AGAP3: variants seen among roughly 807,000 people sequenced by gnomAD.
The protein encoded by AGAP3 is arf-GAP with GTPase, ANK repeat and PH domain-containing protein 3.
AGAP3 carries 24 observed loss-of-function variants against 96.9 expected under a neutral mutation model. That is an observed-to-expected ratio of 0.25 (90% CI 0.18 to 0.35). AGAP3 has a LOEUF of 0.35. AGAP3 is among the 10% of genes least tolerant of loss of function. The probability of loss-of-function intolerance (pLI) is 1.00; values close to 1 mark genes in which losing one functional copy is unlikely to be tolerated. For missense variants in AGAP3, 876 were observed against 1,254.2 expected (o/e 0.70, Z 4.55); for synonymous variants, 563 against 536.1 (o/e 1.05, Z -0.69).
chr7:151,123,462 G>A (rs1294839471), intron 8 of AGAP3: 6 of 1,160,806 alleles, frequency 5.2e-6, no homozygotes, highest in Middle Eastern at 3.7e-4. Context: ...CTGTGCTCCC[G>A]ACCAGCAGCC....
chr7:151,137,467 G>A (rs1226937660), intron 11 of AGAP3, among the ~76,000 whole-genome samples: 1 of 152,198 alleles, frequency 6.6e-6, no homozygotes, highest in Non-Finnish European at 1.5e-5. Context: ...GGCCTCTGAG[G>A]CCCCACGGCT....
At chr7:151,117,600 C>G (rs749511695) in intron 4 of AGAP3, 36 bp from the exon 5 acceptor site, 4 of 1,612,504 alleles carry the variant, frequency 2.5e-6, no homozygotes, top group Non-Finnish European at 3.4e-6. Context: ...TTGCCAGGTC[C>G]AGTTGCGGGT....
chr7:151,102,615 A>T (rs937283210), intron 1 of AGAP3, among the ~76,000 whole-genome samples: 12 of 148,198 alleles, frequency 8.1e-5, no homozygotes, highest in African/African-American at 2.8e-4. Context: ...AAAAAAAAAA[A>T]TTTCTTTTTT....
chr7:151,142,748 G>T lies in AGAP3; in HGVS notation c.2273+114G>T, dbSNP rs1188693699. 8.5e-7 allele frequency: 1 copy of T among 1,175,752 alleles called. No individual in the cohort carries two copies. Among genetic ancestry groups the T allele is most frequent in the Non-Finnish European group, 1.2e-6 (1 of 844,126 alleles). The allele number at this position is 1,175,752 out of a possible 1,614,324, so 72.8% of individuals were successfully genotyped here. A position where few individuals can be genotyped will look rare whatever the true frequency, so the allele number is the denominator to read the frequency against. The stretch of plus-strand genomic sequence containing the variant: ...ATTAGAAGGGTTAAAACTGTCTGTT[G>T]CTCTGCTTGGCAGTTGGCCCCTTGG... On this transcript the variant is annotated intron_variant, in intron 16 of 17. Coordinates refer to ENST00000397238, the MANE Select transcript of AGAP3 (RefSeq NM_031946.7). This position sits in a 1 kb window ranked among gnomAD's most constrained non-coding sequence, Gnocchi z 7.5.
intron 1 of AGAP3, among the ~76,000 whole-genome samples, chr7:151,090,722 T>A (rs1300826586): frequency 6.6e-6 from 1 of 152,124 alleles, no homozygotes; most frequent in Non-Finnish European, 1.5e-5. Context: ...GGCGGGCGGA[T>A]CACGAGGTCA....
chr7:151,120,616 C>T (rs574692077), intron 8 of AGAP3: 27 of 1,294,190 alleles, frequency 2.1e-5, no homozygotes, highest in Admixed American at 1.4e-4. Flanking sequence ...CGTCGCCTTC[C>T]GGCTCTTTTT....
chr7:151,112,838 G>A lies in AGAP3; in HGVS notation c.332-3955G>A, dbSNP rs1005244202. Among the ~76,000 whole-genome samples the A allele has an allele frequency of 3.9e-5, 6 of 152,154 alleles. No homozygotes were observed. The East Asian group carries it at 9.6e-4, about 24-fold the overall frequency. The stretch of plus-strand genomic sequence containing the variant: ...GCTGGTCTCCAACTCCTGGACTCAA[G>A]TGATCTGCCTGCCTCGGCCTCCCAA... On this transcript the variant is annotated intron_variant, in intron 1 of 17. Coordinates refer to ENST00000397238, the MANE Select transcript of AGAP3 (RefSeq NM_031946.7).
chr7:151,132,506 C>T (rs1800439898), intron 10 of AGAP3, among the ~76,000 whole-genome samples: 1 of 152,234 alleles, frequency 6.6e-6, no homozygotes, highest in Non-Finnish European at 1.5e-5. Context: ...TGTGGCTCCT[C>T]TGCTCTGGTT....
intron 1 of AGAP3, among the ~76,000 whole-genome samples, chr7:151,097,608 G>C (rs1798660518): frequency 6.6e-6 from 1 of 152,022 alleles, no homozygotes; most frequent in Non-Finnish European, 1.5e-5. Flanking sequence ...CATCTGCTGT[G>C]CTTCCGGGGA....
rs930891234 is a variant in AGAP3 at position 151,116,838 on chromosome 7, C to T, written c.377C>T (p.Pro126Leu). Residue 126 changes from proline to leucine, a missense_variant, in exon 2 of 18, where the codon CCG (proline) becomes CTG (leucine). Coordinates refer to ENST00000397238, the MANE Select transcript of AGAP3 (RefSeq NM_031946.7). Reference sequence around the variant, plus strand: ...GAGTGGACGCTGAGCCGCTCCGTACCGGAGCTTAAAGTGGTGAGTGTGGCC... The same window carrying T: ...GAGTGGACGCTGAGCCGCTCCGTACTGGAGCTTAAAGTGGTGAGTGTGGCC... ...SQEWTLSRSV[P>L]ELKVGIVGNL... is the part of the protein sequence containing the mutation. 1.7e-5 allele frequency: 27 copies of T among 1,613,912 alleles called. No homozygotes were observed. The highest frequency in any genetic ancestry group is 6.7e-5 in the African/African-American group (5 of 74,894).
chr7:151,109,864 G>T (rs185838948), intron 1 of AGAP3, among the ~76,000 whole-genome samples: 4 of 152,318 alleles, frequency 2.6e-5, no homozygotes, highest in African/African-American at 7.2e-5. Flanking sequence ...TCTCCCTTGC[G>T]CAATAGGAGC....
chr7:151,087,321 TG>T (rs965633975), intron 1 of AGAP3: 13 of 497,230 alleles, frequency 2.6e-5, no homozygotes, highest in East Asian at 7.3e-5. Flanking sequence ...TGGTGTCGCT[TG>T]GGGGGGCCGG....
intron 5 of AGAP3, 44 bp downstream of exon 5, chr7:151,117,821 C>T (rs752935451): frequency 2.3e-5 from 36 of 1,570,508 alleles, no homozygotes; most frequent in East Asian, 6.7e-5. Flanking sequence ...CAGGAAGTCC[C>T]GGGCAACGAT....
At chr7:151,120,921 CAGCCGGGCTTGG>C (rs1490243601) in intron 8 of AGAP3, 10 of 974,312 alleles carry the variant, frequency 1.0e-5, no homozygotes, top group Non-Finnish European at 1.3e-5. Flanking sequence ...CCTAATCCTC[CAGCCGGGCTTGG>C]CTGGATGTTC....
chr7:151,118,022 G>A lies in AGAP3; in HGVS notation c.707-188G>A, dbSNP rs1799680767. 1 of 900,348 alleles carries A rather than the reference G, an allele frequency of 1.1e-6. No individual in the cohort carries two copies. The highest frequency in any genetic ancestry group is 1.8e-5 in the South Asian group (1 of 54,814). The allele number at this position is 900,348 out of a possible 1,614,324, so 55.8% of individuals were successfully genotyped here. A position where few individuals can be genotyped will look rare whatever the true frequency, so the allele number is the denominator to read the frequency against. ...GAATAAACGTGCTCAGAGCTTAAGTGCTTGCTGGTTTGCACTCAGTGAGGC... is the reference window on the plus strand; with the variant it reads ...GAATAAACGTGCTCAGAGCTTAAGTACTTGCTGGTTTGCACTCAGTGAGGC... On this transcript the variant is annotated intron_variant, in intron 5 of 17. Coordinates refer to ENST00000397238, the MANE Select transcript of AGAP3 (RefSeq NM_031946.7). The surrounding 1 kb of genome is among the most constrained non-coding windows in gnomAD (Gnocchi z 6.1).
rs1177088379 is a variant in AGAP3, at chr7:151,141,193, T to C, written c.1805-705T>C. On this transcript the variant is annotated intron_variant, in intron 13 of 17. Coordinates refer to ENST00000397238, the MANE Select transcript of AGAP3 (RefSeq NM_031946.7). The surrounding 1 kb of genome is among the most constrained non-coding windows in gnomAD (Gnocchi z 4.2). ...CAGTGACCATTGGGAATGAGATTCATGCGGCTGTCTTCTGGGGCCTGGGGG... is the reference window on the plus strand; with the variant it reads ...CAGTGACCATTGGGAATGAGATTCACGCGGCTGTCTTCTGGGGCCTGGGGG... The C allele has an allele frequency of 1.3e-5, 2 of 152,560 alleles. No individual in the cohort carries two copies. Among genetic ancestry groups the C allele is most frequent in the Non-Finnish European group, 2.9e-5 (2 of 68,392 alleles). 9.5% of individuals were successfully genotyped at this position (152,560 alleles called of 1,614,324 possible).
intron 9 of AGAP3, among the ~76,000 whole-genome samples, chr7:151,125,204 C>T (rs765450217): frequency 2.6e-5 from 4 of 152,194 alleles, no homozygotes; most frequent in Non-Finnish European, 4.4e-5. Flanking sequence ...CAAGGGAAGG[C>T]GTGGGCGGTG....
chr7:151,122,435 G>A (rs1252770186), intron 8 of AGAP3, among the ~76,000 whole-genome samples: 1 of 152,156 alleles, frequency 6.6e-6, no homozygotes, highest in Non-Finnish European at 1.5e-5. Flanking sequence ...GGGCTGCCGA[G>A]TGGCGAACAT....
At chr7:151,124,040 T>A (rs541479546) in intron 9 of AGAP3, among the ~76,000 whole-genome samples, 154 bp downstream of exon 9, 11 of 152,266 alleles carry the variant, frequency 7.2e-5, no homozygotes, top group Admixed American at 5.9e-4. Context: ...AGGGACTGGC[T>A]CTCCAGTGAG....
Sources: allele counts gnomAD v4.1 joint callset (sites outside exome capture counted in the v4.1 genomes callset), GRCh38; gene constraint gnomAD v4.1.1; non-coding constraint Gnocchi (gnomAD v3.1); transcripts MANE v1.5; gene names NCBI Gene and HGNC (gene_info 2026-07-23, HGNC 2026-07-21).